Variants in DNAJC1 observed in about 807,000 individuals in gnomAD.
DNAJC1 encodes dnaJ homolog subfamily C member 1.
Under a neutral mutation model 76.6 loss-of-function variants are expected in DNAJC1, and 58 were observed. The observed-to-expected ratio is 0.76, with a 90% CI of 0.61 to 0.94. The LOEUF (loss-of-function observed/expected upper bound fraction) is 0.94, where lower values mean the gene tolerates loss of function less well. Ranked by LOEUF, DNAJC1 falls within the 40% of genes least tolerant of loss-of-function variation. The pLI, the probability that DNAJC1 is intolerant of heterozygous loss-of-function variation, is 0.00. For synonymous variants in DNAJC1, 258 were observed against 267.9 expected (o/e 0.96, Z 0.36); for missense variants, 689 against 677.3 (o/e 1.02, Z -0.19).
At chr10:21,967,011 C>CT (rs1387606063) in intron 1 of DNAJC1, among the ~76,000 whole-genome samples, 5 of 75,152 alleles carry the variant, frequency 6.7e-5, no homozygotes, top group Admixed American at 1.2e-4. Context: ...TCTTCTTCTT[C>CT]TTCTTTTTTT....
At chr10:21,836,692 AAC>A (rs1835464965) in intron 8 of DNAJC1, among the ~76,000 whole-genome samples, 1 of 152,182 alleles carries the variant, frequency 6.6e-6, no homozygotes, top group South Asian at 2.1e-4. Flanking sequence ...TCTCTGATAA[AAC>A]AGACTTTAAA....
chr10:21,771,739 C>A (rs1348016145), intron 9 of DNAJC1, among the ~76,000 whole-genome samples: 1 of 152,174 alleles, frequency 6.6e-6, no homozygotes, highest in Admixed American at 6.6e-5. Context: ...CTCAGGTGAT[C>A]AGCCTGCCCT....
chr10:21,952,105 G>C (rs1227926547), intron 1 of DNAJC1, among the ~76,000 whole-genome samples: 1 of 152,096 alleles, frequency 6.6e-6, no homozygotes, highest in Non-Finnish European at 1.5e-5. Context: ...TTATTGTTAA[G>C]TGTAATTATA....
At chr10:21,881,859 A>C (rs1005216698) in intron 8 of DNAJC1, among the ~76,000 whole-genome samples, 2 of 150,422 alleles carry the variant, frequency 1.3e-5, no homozygotes, top group Non-Finnish European at 3.0e-5. Context: ...AAAAAAAAAA[A>C]AAAAAAAAAA....
At chr10:21,957,040 C>T (rs966476557) in intron 1 of DNAJC1, among the ~76,000 whole-genome samples, 3 of 151,724 alleles carry the variant, frequency 2.0e-5, no homozygotes, top group East Asian at 1.9e-4. Context: ...TACAGGTACC[C>T]GCCACCGCAC....
chr10:21,947,924 G>C (rs528819762), intron 1 of DNAJC1, among the ~76,000 whole-genome samples: 57 of 152,128 alleles, frequency 3.7e-4, no homozygotes, highest in Non-Finnish European at 4.7e-4. Context: ...CAAAATTGTA[G>C]TCAAATTATT....
In DNAJC1 at chr10:21,806,092, T is replaced by G. The variant is rs767463564; in HGVS notation, c.986A>C (p.Glu329Ala). Residue 329 changes from glutamate to alanine, a missense_variant, in exon 9 of 12, where the codon GAA (glutamate) becomes GCA (alanine). Coordinates refer to ENST00000376980, the MANE Select transcript of DNAJC1 (RefSeq NM_022365.4). ...RNRTQKKQAPEWTEEDLSQLT... is the reference protein window; with the variant it reads ...RNRTQKKQAPAWTEEDLSQLT... Reference sequence around the variant, plus strand: ...TTGGCTGAGGTCCTCTTCTGTCCATTCAGGTGCCTGCAAAACATTAAAGAA... The same window carrying G: ...TTGGCTGAGGTCCTCTTCTGTCCATGCAGGTGCCTGCAAAACATTAAAGAA... The G allele has an allele frequency of 1.2e-6, 2 of 1,610,344 alleles. No individual in the cohort carries two copies. Among genetic ancestry groups the G allele is most frequent in the South Asian group, 1.1e-5 (1 of 90,524 alleles).
chr10:21,941,303 A>C (rs984587421), intron 1 of DNAJC1, among the ~76,000 whole-genome samples: 5 of 150,500 alleles, frequency 3.3e-5, no homozygotes, highest in Admixed American at 6.6e-5. Flanking sequence ...CAGATAGAAC[A>C]ACCAAATGTC....
At chr10:21,929,185 C>A in intron 1 of DNAJC1, 44 bp from the exon 2 acceptor site, 1 of 1,379,510 alleles carries the variant, frequency 7.2e-7, no homozygotes, top group South Asian at 1.2e-5. Flanking sequence ...CAAACTTTGT[C>A]AGAAAAAGAA....
chr10:21,992,139 C>A (rs1297627253), intron 1 of DNAJC1, among the ~76,000 whole-genome samples: 1 of 152,162 alleles, frequency 6.6e-6, no homozygotes, highest in South Asian at 2.1e-4. Flanking sequence ...GGTGAAACCC[C>A]GTCTCTACTA....
intron 8 of DNAJC1, among the ~76,000 whole-genome samples, chr10:21,872,443 A>G (rs1260754616): frequency 6.6e-6 from 1 of 152,168 alleles, no homozygotes; most frequent in Non-Finnish European, 1.5e-5. Flanking sequence ...GTATGGGAAC[A>G]ATGCACCACC....
At chr10:21,765,647 C>A (rs141358516) in intron 10 of DNAJC1, among the ~76,000 whole-genome samples, 2 of 152,240 alleles carry the variant, frequency 1.3e-5, no homozygotes, top group Admixed American at 6.5e-5. Flanking sequence ...GAGTTCAAGA[C>A]CAGCCTAGCC....
intron 8 of DNAJC1, among the ~76,000 whole-genome samples, chr10:21,868,904 G>T (rs1590023335): frequency 1.3e-5 from 2 of 152,102 alleles, no homozygotes; most frequent in Middle Eastern, 6.8e-3. Context: ...GAGATCATAA[G>T]ACTGACAAAA....
At chr10:21,870,697 C>G (rs554108843) in intron 8 of DNAJC1, among the ~76,000 whole-genome samples, 1 of 152,130 alleles carries the variant, frequency 6.6e-6, no homozygotes, top group East Asian at 1.9e-4. Flanking sequence ...ATTGCTTGAG[C>G]CTGGGAGTTC....
intron 1 of DNAJC1, among the ~76,000 whole-genome samples, chr10:21,938,121 G>A (rs982026669): frequency 5.3e-5 from 8 of 151,842 alleles, no homozygotes; most frequent in African/African-American, 1.7e-4. Context: ...CATTCCTTCT[G>A]GAAGATTTTA....
chr10:21,803,666 G>T, intron 9 of DNAJC1: 1 of 193,394 alleles, frequency 5.2e-6, no homozygotes, highest in Non-Finnish European at 9.4e-6. Context: ...TGTGTTGGGG[G>T]ACAGGAGAGT....
chr10:21,813,096 C>CATATATATATATAT (rs373917334), intron 8 of DNAJC1, among the ~76,000 whole-genome samples: 43 of 117,296 alleles, frequency 3.7e-4, no homozygotes, highest in Admixed American at 1.4e-3. Flanking sequence ...TACACACACA[C>CATATATATATATAT]ATATATATAT....
intron 1 of DNAJC1, among the ~76,000 whole-genome samples, chr10:21,950,463 T>C (rs1837575867): frequency 6.6e-6 from 1 of 152,122 alleles, no homozygotes; most frequent in Admixed American, 6.5e-5. Context: ...TCTTTGGGCC[T>C]CCCTGCTCTC....
chr10:21,863,774 A>G (rs1326735023), intron 8 of DNAJC1, among the ~76,000 whole-genome samples: 1 of 152,172 alleles, frequency 6.6e-6, no homozygotes, highest in African/African-American at 2.4e-5. Flanking sequence ...GCAGAAAAAA[A>G]GATCTATTCA....
Sources: allele counts gnomAD v4.1 joint callset (sites outside exome capture counted in the v4.1 genomes callset), GRCh38; gene constraint gnomAD v4.1.1; transcripts MANE v1.5; gene names NCBI Gene and HGNC (gene_info 2026-07-23, HGNC 2026-07-21).